Variants in CHST8 observed in about 807,000 individuals in gnomAD.
The protein encoded by CHST8 is GALNAC-4-ST1.
CHST8 carries 10 observed loss-of-function variants against 15.0 expected under a neutral mutation model. The ratio of observed to expected loss-of-function variants is 0.67; its 90% CI spans 0.41 to 1.13. The LOEUF (loss-of-function observed/expected upper bound fraction) is 1.13. Ranked by LOEUF, CHST8 falls within the 50% of genes most tolerant of loss-of-function variation. The pLI is 0.00. For synonymous variants in CHST8, 259 were observed against 256.6 expected (o/e 1.01, Z -0.09); for missense variants, 634 against 608.2 (o/e 1.04, Z -0.45).
At chr19:33,752,470 T>A (rs1974439756) in intron 3 of CHST8, among the ~76,000 whole-genome samples, 1 of 152,102 alleles carries the variant, frequency 6.6e-6, no homozygotes. Context: ...TTAATATTAA[T>A]GTGTTGGCCG....
Position 33,703,460 on chromosome 19 carries a change from C to T in CHST8, c.130+14069C>T, listed in dbSNP as rs146687535. ...CTGCGTAGGTCTTGGTTTTTTAAAA[C>T]TCTGAAAAAGTTACGGTGGTAGTTA... is the stretch of plus-strand genomic sequence containing the variant. On this transcript the variant is annotated intron_variant, in intron 3 of 4. Coordinates refer to ENST00000650847, the MANE Select transcript of CHST8 (RefSeq NM_001127895.2). Among the ~76,000 whole-genome samples, 604 of 152,340 alleles carry T rather than the reference C, an allele frequency of 4.0e-3. 4 individuals carry two copies. Among genetic ancestry groups the T allele is most frequent in the African/African-American group, 0.013 (539 of 41,572 alleles).
intron 3 of CHST8, among the ~76,000 whole-genome samples, chr19:33,755,889 T>C (rs111476343): frequency 0.011 from 1,631 of 152,128 alleles, 37 homozygotes; most frequent in African/African-American, 0.038. Flanking sequence ...AGCTGGCGGG[T>C]CTAATTGCAG....
In CHST8 at chr19:33,665,999, C is replaced by T. The variant is rs184747371; in HGVS notation, c.-163-1768C>T. Among the ~76,000 whole-genome samples, 415 of 152,322 alleles carry T rather than the reference C, an allele frequency of 2.7e-3. 3 individuals carry two copies. The highest frequency in any genetic ancestry group is 2.7e-3 in the Non-Finnish European group (186 of 68,026). On this transcript the variant is annotated intron_variant, in intron 1 of 4. Coordinates refer to ENST00000650847, the MANE Select transcript of CHST8 (RefSeq NM_001127895.2). ...GAAAGGCAGGCCTCTGGCTCCGGGA[C>T]GGGGTGTCGGAAACGGCTGTGCCCC... is the stretch of plus-strand genomic sequence containing the variant.
chr19:33,695,902 T>G (rs1159292994), intron 3 of CHST8, among the ~76,000 whole-genome samples: 1 of 146,142 alleles, frequency 6.8e-6, no homozygotes, highest in Non-Finnish European at 1.5e-5. Context: ...CTCAGCTCAC[T>G]GCAACCTCCA....
intron 2 of CHST8, among the ~76,000 whole-genome samples, chr19:33,678,407 A>G (rs1175924290): frequency 6.6e-6 from 1 of 152,120 alleles, no homozygotes; most frequent in Non-Finnish European, 1.5e-5. Context: ...ACATTGGGAG[A>G]GACCAGCCTG....
At chr19:33,724,465 A>G (rs1051601382) in intron 3 of CHST8, among the ~76,000 whole-genome samples, 14 of 151,606 alleles carry the variant, frequency 9.2e-5, no homozygotes, top group African/African-American at 3.4e-4. Flanking sequence ...AGTTCTGTAA[A>G]GTGTGGCTGC....
At chr19:33,648,165 T>C (rs991364052) in intron 1 of CHST8, among the ~76,000 whole-genome samples, 15 of 152,054 alleles carry the variant, frequency 9.9e-5, no homozygotes, top group Non-Finnish European at 7.4e-5. Context: ...GATGCAAATA[T>C]GGTCACTAGG....
intron 1 of CHST8, among the ~76,000 whole-genome samples, chr19:33,629,448 G>T (rs1011110566): frequency 1.5e-4 from 23 of 152,378 alleles, no homozygotes; most frequent in African/African-American, 5.5e-4. Flanking sequence ...TCTGGGAGGG[G>T]CTCTGCCCAA....
Position 33,772,052 on chromosome 19 carries a change from C to G in CHST8, c.264C>G (p.Asn88Lys). 2 of 1,612,284 alleles carry G rather than the reference C, an allele frequency of 1.2e-6. No individual in the cohort carries two copies. The highest frequency in any genetic ancestry group is 1.7e-6 in the Non-Finnish European group (2 of 1,179,720). Residue 88 changes from asparagine to lysine, a missense_variant, in exon 5 of 5, where the codon AAC becomes AAG. By Grantham distance (94) the Asn-to-Lys change is moderately conservative. Transcript: ENST00000650847. Reference protein sequence around the residue: ...DLSSGAPRGRNLPAPDQPQPP... With the variant: ...DLSSGAPRGRKLPAPDQPQPP... ...CCAGTGGGGCCCCGAGGGGCCGCAA[C>G]CTGCCAGCGCCTGACCAGCCTCAAC...
chr19:33,650,505 TTCTTTTTCTTTTC>T (rs1453506182), intron 1 of CHST8, among the ~76,000 whole-genome samples: 15 of 122,146 alleles, frequency 1.2e-4, no homozygotes, highest in African/African-American at 5.0e-4. Context: ...CTTTTTCTTT[TTCTTTTTCTTTTC>T]TTTTTTTTTT....
At position 33,772,195 on chromosome 19, in the gene CHST8, G is replaced by A. The variant is rs1451188666; in HGVS notation, c.407G>A (p.Arg136Gln). The A allele has an allele frequency of 1.9e-6, 3 of 1,595,332 alleles. No individual in the cohort carries two copies. Among genetic ancestry groups the A allele is most frequent in the East Asian group, 2.3e-5 (1 of 44,206 alleles). ...AACAGCTCGGACGCGCCCTTCATCC[G>A]GCCGGGACCCGGGACGCTGGATGGC... ...PANSSDAPFI[R>Q]PGPGTLDGRW... Residue 136 changes from arginine to glutamine, a missense_variant, in exon 5 of 5, where the codon CGG becomes CAG. By Grantham distance (43) the Arg-to-Gln change is conservative. Transcript: ENST00000650847.
intron 3 of CHST8, among the ~76,000 whole-genome samples, chr19:33,697,708 C>T (rs572780506): frequency 7.6e-4 from 116 of 152,322 alleles, no homozygotes; most frequent in African/African-American, 2.7e-3. Context: ...GTCTGCCCAG[C>T]ACTTGGGGTA....
At chr19:33,756,080 C>A (rs1186830502) in intron 3 of CHST8, among the ~76,000 whole-genome samples, 1 of 152,154 alleles carries the variant, frequency 6.6e-6, no homozygotes, top group African/African-American at 2.4e-5. Context: ...GGAGACACCC[C>A]CAAAGTGCTG....
chr19:33,652,071 T>C (rs1972455918), intron 1 of CHST8, among the ~76,000 whole-genome samples: 1 of 152,202 alleles, frequency 6.6e-6, no homozygotes, highest in Non-Finnish European at 1.5e-5. Context: ...GACTATATTT[T>C]TTTGTAAAGC....
intron 2 of CHST8, among the ~76,000 whole-genome samples, chr19:33,670,491 C>A (rs1972723062): frequency 6.6e-6 from 1 of 152,256 alleles, no homozygotes; most frequent in African/African-American, 2.4e-5. Context: ...AACCCCATCA[C>A]CTGTCCTGAC....
intron 3 of CHST8, among the ~76,000 whole-genome samples, chr19:33,759,496 C>T (rs966767535): frequency 1.1e-4 from 17 of 152,136 alleles, no homozygotes; most frequent in South Asian, 4.1e-4. Flanking sequence ...AGGCCCAGGC[C>T]CACTGCCTCT....
intron 3 of CHST8, among the ~76,000 whole-genome samples, chr19:33,700,345 C>G (rs1168879430): frequency 6.6e-6 from 1 of 152,200 alleles, no homozygotes; most frequent in African/African-American, 2.4e-5. Context: ...TACATTATCT[C>G]AAAATCAGCA....
At chr19:33,688,523 C>T (rs1199334232) in intron 2 of CHST8, among the ~76,000 whole-genome samples, 3 of 152,168 alleles carry the variant, frequency 2.0e-5, no homozygotes, top group Non-Finnish European at 1.5e-5. Context: ...AGTGGTCTGG[C>T]CAGAGCCTCA....
rs77164257 is a variant in CHST8, at chr19:33,663,324, G to A, written c.-163-4443G>A. On this transcript the variant is annotated intron_variant, in intron 1 of 4. Coordinates refer to ENST00000650847, the MANE Select transcript of CHST8 (RefSeq NM_001127895.2). Reference sequence around the variant, plus strand: ...CCACACCTATAATCCCAGCACTTTGGTAGGCCGAGGCAGGAGGATTGCTTG... The same window carrying A: ...CCACACCTATAATCCCAGCACTTTGATAGGCCGAGGCAGGAGGATTGCTTG... Among the ~76,000 whole-genome samples, 9 of 152,282 alleles carry A rather than the reference G, an allele frequency of 5.9e-5. No individual in the cohort carries two copies. The East Asian group carries it at 9.7e-4, about 16-fold the overall frequency.
Sources: allele counts gnomAD v4.1 joint callset (sites outside exome capture counted in the v4.1 genomes callset), GRCh38; gene constraint gnomAD v4.1.1; transcripts MANE v1.5; gene names NCBI Gene and HGNC (gene_info 2026-07-23, HGNC 2026-07-21).